Variants in RASEF observed in about 807,000 individuals in gnomAD.
RASEF encodes ras and EF-hand domain-containing protein.
RASEF carries 68 observed loss-of-function variants against 90.1 expected under a neutral mutation model. The observed-to-expected ratio is 0.75, with a 90% CI of 0.62 to 0.92. The LOEUF (loss-of-function observed/expected upper bound fraction) is 0.92. Among genes scored for constraint, RASEF ranks in the 40% least tolerant of loss-of-function variants. The probability of loss-of-function intolerance (pLI) is 0.00; values close to 1 mark genes in which losing one functional copy is unlikely to be tolerated. For synonymous variants in RASEF, 331 were observed against 345.2 expected (o/e 0.96, Z 0.46); for missense variants, 949 against 937.2 (o/e 1.01, Z -0.16).
chr9:82,994,757 A>T (rs1828881509), intron 14 of RASEF, among the ~76,000 whole-genome samples: 1 of 152,238 alleles, frequency 6.6e-6, no homozygotes, highest in Non-Finnish European at 1.5e-5. Flanking sequence ...CATGACAGAT[A>T]AACAAATGGC....
chr9:83,218,192 T>C, the RASEF span, among the ~76,000 whole-genome samples: 2,114 of 152,224 alleles, frequency 0.014, 18 homozygotes, highest in South Asian at 0.028. Context: ...AAAAGAAAAT[T>C]AAGCTAAATT....
chr9:83,150,986 T>C, the RASEF span, among the ~76,000 whole-genome samples: 1 of 152,350 alleles, frequency 6.6e-6, no homozygotes, highest in African/African-American at 2.4e-5. Flanking sequence ...AATTTCCATG[T>C]AGAATACCAC....
chr9:83,172,961 G>T, the RASEF span, among the ~76,000 whole-genome samples: 1 of 151,908 alleles, frequency 6.6e-6, no homozygotes, highest in Admixed American at 6.6e-5. Context: ...GCTTTTGTTT[G>T]TCTGGGAAAG....
At chr9:83,027,487 G>C (rs1829569431) in intron 1 of RASEF, among the ~76,000 whole-genome samples, 1 of 152,150 alleles carries the variant, frequency 6.6e-6, no homozygotes, top group South Asian at 2.1e-4. Flanking sequence ...GATTCCAAAG[G>C]TTTTAGGAGC....
chr9:83,028,584 G>A (rs146833037), intron 1 of RASEF, among the ~76,000 whole-genome samples: 1 of 152,264 alleles, frequency 6.6e-6, no homozygotes, highest in East Asian at 1.9e-4. Context: ...ATAATCCTAG[G>A]CCTCAGTAAC....
the RASEF span, among the ~76,000 whole-genome samples, chr9:83,069,391 A>T: frequency 6.6e-6 from 1 of 152,240 alleles, no homozygotes; most frequent in African/African-American, 2.4e-5. Flanking sequence ...ATTTAATGTG[A>T]TGTGTCTTTT....
chr9:83,119,404 A>G, the RASEF span, among the ~76,000 whole-genome samples: 5 of 152,218 alleles, frequency 3.3e-5, no homozygotes, highest in East Asian at 5.8e-4. Context: ...AACATCCTAT[A>G]AGGAAACTTT....
At chr9:83,144,323 G>GA in the RASEF span, among the ~76,000 whole-genome samples, 331 of 83,026 alleles carry the variant, frequency 4.0e-3, 16 homozygotes, top group Middle Eastern at 6.9e-3. Flanking sequence ...AAGAAAGAAA[G>GA]AAGGAAAGAA....
At chr9:83,177,808 A>G in the RASEF span, among the ~76,000 whole-genome samples, 1 of 151,854 alleles carries the variant, frequency 6.6e-6, no homozygotes, top group Non-Finnish European at 1.5e-5. Flanking sequence ...TTGGGAAGTT[A>G]TTATTTCTTC....
the RASEF span, among the ~76,000 whole-genome samples, chr9:83,199,224 T>TAAAAAA: frequency 3.4e-5 from 4 of 118,660 alleles, no homozygotes; most frequent in Non-Finnish European, 5.1e-5. Context: ...AGCCCTAATT[T>TAAAAAA]AAAAAAAAAA....
the RASEF span, among the ~76,000 whole-genome samples, chr9:83,147,040 G>GTGTATA: frequency 0.12 from 17,577 of 143,606 alleles, 1,163 homozygotes; most frequent in East Asian, 0.2. Flanking sequence ...ATATATATAT[G>GTGTATA]TATATATATA....
chr9:83,164,588 A>G, the RASEF span, among the ~76,000 whole-genome samples: 1 of 150,682 alleles, frequency 6.6e-6, no homozygotes, highest in South Asian at 2.1e-4. Flanking sequence ...AAGACAGGAG[A>G]AAAAATCAAA....
chr9:83,190,865 T>A, the RASEF span, among the ~76,000 whole-genome samples: 1 of 152,224 alleles, frequency 6.6e-6, no homozygotes, highest in Admixed American at 6.5e-5. Flanking sequence ...CTCTCCCATC[T>A]ACCATGTCCC....
At chr9:83,106,275 CT>C in the RASEF span, among the ~76,000 whole-genome samples, 1 of 152,166 alleles carries the variant, frequency 6.6e-6, no homozygotes, top group African/African-American at 2.4e-5. Flanking sequence ...TCTGTTTATT[CT>C]TTCACTGTCA....
At chr9:83,167,908 C>G in the RASEF span, among the ~76,000 whole-genome samples, 1 of 152,136 alleles carries the variant, frequency 6.6e-6, no homozygotes, top group Non-Finnish European at 1.5e-5. Flanking sequence ...ATGCACCCAC[C>G]AGTTGATGAT....
chr9:83,033,087 G>A (rs964732277), intron 1 of RASEF, among the ~76,000 whole-genome samples: 10 of 152,142 alleles, frequency 6.6e-5, no homozygotes, highest in African/African-American at 1.2e-4. Flanking sequence ...TACTCAAACC[G>A]TATGTTTTAT....
chr9:83,178,242 C>T, the RASEF span, among the ~76,000 whole-genome samples: 1 of 152,166 alleles, frequency 6.6e-6, no homozygotes, highest in Non-Finnish European at 1.5e-5. Flanking sequence ...ATTTGACTAG[C>T]AAAAACACCA....
chr9:83,010,801 G>A (rs944966197), intron 5 of RASEF, among the ~76,000 whole-genome samples: 1 of 152,056 alleles, frequency 6.6e-6, no homozygotes, highest in African/African-American at 2.4e-5. Flanking sequence ...AGAGCTCCTT[G>A]GAAGACACTC....
At chr9:83,026,624 T>C (rs73469445) in intron 1 of RASEF, among the ~76,000 whole-genome samples, 9 of 152,086 alleles carry the variant, frequency 5.9e-5, no homozygotes, top group Non-Finnish European at 1.2e-4. Flanking sequence ...CCTAGACACA[T>C]GGGGATTATG....
Sources: allele counts gnomAD v4.1 joint callset (sites outside exome capture counted in the v4.1 genomes callset), GRCh38; gene constraint gnomAD v4.1.1; transcripts MANE v1.5; gene names NCBI Gene and HGNC (gene_info 2026-07-23, HGNC 2026-07-21).